SERPINE3: variants seen among roughly 807,000 people sequenced by gnomAD.
SERPINE3 encodes the protein serpin E3.
Under a neutral mutation model 41.7 loss-of-function variants are expected in SERPINE3, and 43 were observed. The ratio of observed to expected loss-of-function variants is 1.03; its 90% CI spans 0.81 to 1.33. The LOEUF (loss-of-function observed/expected upper bound fraction) is 1.33, where lower values mean the gene tolerates loss of function less well. SERPINE3 is among the 40% of genes most tolerant of loss of function. The pLI, the probability that SERPINE3 is intolerant of heterozygous loss-of-function variation, is 0.00. For synonymous variants in SERPINE3, 200 were observed against 192.2 expected, an observed-to-expected ratio of 1.04 and a Z score of -0.34; for missense variants, 440 against 491.7, an observed-to-expected ratio of 0.89 and a Z score of 0.99.
rs565183496 is a variant in SERPINE3 at position 51,361,235 on chromosome 13, A to G, written c.1001-43A>G. ...AATGTGTTCTAAATGTGTTAGAAAA[A>G]TGTTAATGAGCAACTCACATTTTTA... On this transcript the variant is annotated intron_variant, in intron 7 of 9. Coordinates refer to ENST00000681248, the MANE Select transcript of SERPINE3 (RefSeq NM_001386375.1). 35 of 1,293,536 alleles carry G rather than the reference A, an allele frequency of 2.7e-5. No homozygotes were observed. The African/African-American group carries it at 4.1e-4, about 15-fold the overall frequency. The allele number at this position is 1,293,536 out of a possible 1,614,324, so 80.1% of individuals were successfully genotyped here.
At chr13:51,341,875 C>A (rs1955294960) in intron 3 of SERPINE3, among the ~76,000 whole-genome samples, 1 of 152,160 alleles carries the variant, frequency 6.6e-6, no homozygotes, top group Non-Finnish European at 1.5e-5. Flanking sequence ...AGTTGGGACT[C>A]AAGCCCAGGC....
At chr13:51,357,561 A>G (rs1484914813) in intron 7 of SERPINE3, among the ~76,000 whole-genome samples, 1 of 151,988 alleles carries the variant, frequency 6.6e-6, no homozygotes, top group Non-Finnish European at 1.5e-5. Flanking sequence ...CTCTTTCCCC[A>G]TTTACAAGTC....
At chr13:51,353,397 C>G (rs771141954) in intron 6 of SERPINE3, among the ~76,000 whole-genome samples, 4 of 152,160 alleles carry the variant, frequency 2.6e-5, no homozygotes, top group Non-Finnish European at 5.9e-5. Context: ...TTAATCTTTA[C>G]AACCCTACAA....
At chr13:51,340,732 T>G in intron 1 of SERPINE3, 52 bp from the exon 2 acceptor site, 1 of 311,078 alleles carries the variant, frequency 3.2e-6, no homozygotes. Context: ...TGAGTAGGAT[T>G]ACCTCTTACA....
At chr13:51,358,593 G>T (rs1955516529) in intron 7 of SERPINE3, among the ~76,000 whole-genome samples, 1 of 151,964 alleles carries the variant, frequency 6.6e-6, no homozygotes, top group Non-Finnish European at 1.5e-5. Context: ...AGTGGTAAGG[G>T]GTGTCTATTA....
intron 1 of SERPINE3, among the ~76,000 whole-genome samples, chr13:51,340,523 T>C (rs1231663476): frequency 6.6e-6 from 1 of 152,196 alleles, no homozygotes; most frequent in Non-Finnish European, 1.5e-5. Context: ...CACTGTTTCT[T>C]TCCCCATACA....
At chr13:51,341,382 C>A in intron 3 of SERPINE3, 35 bp downstream of exon 3, 2 of 1,539,802 alleles carry the variant, frequency 1.3e-6, no homozygotes, top group East Asian at 4.8e-5. Flanking sequence ...CTCACTTACC[C>A]TCCTGTTCAC....
At chr13:51,352,393 C>T (rs556640058) in intron 6 of SERPINE3, among the ~76,000 whole-genome samples, 19 of 151,372 alleles carry the variant, frequency 1.3e-4, no homozygotes, top group East Asian at 5.8e-4. Context: ...TGTTCTATAG[C>T]GTATACAAAC....
chr13:51,359,635 T>C (rs1366960811), intron 7 of SERPINE3, among the ~76,000 whole-genome samples: 1 of 152,138 alleles, frequency 6.6e-6, no homozygotes, highest in Non-Finnish European at 1.5e-5. Context: ...CAGACACATT[T>C]ACTGTATTTT....
intron 2 of SERPINE3, 57 bp from the exon 3 acceptor site, chr13:51,341,018 G>A: frequency 2.6e-6 from 4 of 1,542,772 alleles, no homozygotes; most frequent in South Asian, 1.2e-5. Context: ...GTGGGACATG[G>A]CCCTCTTTCA....
At chr13:51,363,959 A>G (rs1698162465) in intron 9 of SERPINE3, 1 of 232,748 alleles carries the variant, frequency 4.3e-6, no homozygotes, top group African/African-American at 2.3e-5. Flanking sequence ...TCTCTTTCCT[A>G]GATACTCTTG....
chr13:51,346,363 C>G (rs61956915), intron 4 of SERPINE3, among the ~76,000 whole-genome samples: 3,502 of 152,228 alleles, frequency 0.023, 59 homozygotes, highest in South Asian at 0.056. Context: ...CCCATCACAG[C>G]ACATACTCCT....
intron 4 of SERPINE3, among the ~76,000 whole-genome samples, chr13:51,345,592 CAAAAAAAAAAA>C (rs753888958): frequency 1.9e-4 from 7 of 37,044 alleles, no homozygotes; most frequent in South Asian, 1.2e-3. Flanking sequence ...GATTTCATCT[CAAAAAAAAAAA>C]AAAAAAAAAA....
chr13:51,360,737 T>C (rs1955561416), intron 7 of SERPINE3, among the ~76,000 whole-genome samples: 1 of 152,074 alleles, frequency 6.6e-6, no homozygotes, highest in African/African-American at 2.4e-5. Flanking sequence ...GACACATTCA[T>C]ATTACTCTGA....
rs576976827 is a variant in SERPINE3, at chr13:51,341,334, G to A, written c.243G>A (p.Gly81=). ...GTCAGCAGCTGGCAGATGCCCTGGGGTACACTGTCCATGGTAAGAGGCCTG... is the reference window on the plus strand; with the variant it reads ...GTCAGCAGCTGGCAGATGCCCTGGGATACACTGTCCATGGTAAGAGGCCTG... ...STGQQLADAL[G]YTVHDKRVKD... The change falls in exon 3 of 10, where the codon GGG becomes GGA. Residue 81 remains glycine (G), a synonymous_variant. Coordinates refer to ENST00000681248, the MANE Select transcript of SERPINE3 (RefSeq NM_001386375.1). 2 of 1,600,678 alleles carry A rather than the reference G, an allele frequency of 1.2e-6. No individual in the cohort carries two copies. Among genetic ancestry groups the A allele is most frequent in the Non-Finnish European group, 1.7e-6 (2 of 1,172,664 alleles).
chr13:51,359,648 C>G (rs1348992967), intron 7 of SERPINE3, among the ~76,000 whole-genome samples: 1 of 152,092 alleles, frequency 6.6e-6, no homozygotes, highest in Non-Finnish European at 1.5e-5. Context: ...TGTATTTTAG[C>G]TGATAAGGGG....
chr13:51,341,015 A>C, intron 2 of SERPINE3, 60 bp from the exon 3 acceptor site: 48 of 1,460,884 alleles, frequency 3.3e-5, no homozygotes, highest in Non-Finnish European at 4.2e-5. Context: ...TCTGTGGGAC[A>C]TGGCCCTCTT....
Position 51,347,282 on chromosome 13 carries a change from C to T in SERPINE3, c.700+48C>T, listed in dbSNP as rs766357951. On this transcript the variant is annotated intron_variant, in intron 5 of 9. Coordinates refer to ENST00000681248, the MANE Select transcript of SERPINE3 (RefSeq NM_001386375.1). The stretch of plus-strand genomic sequence containing the variant: ...TGTCTAAAGGGAGAGGAAGCCTGGG[C>T]CTGAGGGCAGGAGAGAGGAGGCCAG... The T allele has an allele frequency of 2.6e-6, 4 of 1,544,994 alleles. No homozygotes were observed. In the South Asian group the frequency reaches 4.6e-5, roughly 18 times the overall value.
intron 6 of SERPINE3, among the ~76,000 whole-genome samples, chr13:51,354,525 G>A (rs1955450909): frequency 6.6e-6 from 1 of 151,812 alleles, no homozygotes; most frequent in African/African-American, 2.4e-5. Context: ...GGAAGCTAAG[G>A]CAGGTGGATC....
Sources: gnomAD v4.1 joint callset for allele counts (sites outside exome capture counted in the v4.1 genomes callset) on GRCh38, gnomAD v4.1.1 for gene constraint, MANE v1.5 for transcripts, NCBI Gene and HGNC (gene_info 2026-07-23, HGNC 2026-07-21) for gene names.